Variants in KIF1C observed in about 807,000 individuals in gnomAD.
KIF1C encodes the protein kinesin-like protein KIF1C.
Under a neutral mutation model 126.5 loss-of-function variants are expected in KIF1C, and 61 were observed. That is an observed-to-expected ratio of 0.48 (90% CI 0.39 to 0.60). KIF1C has a LOEUF of 0.60. Among genes scored for constraint, KIF1C ranks in the 20% least tolerant of loss-of-function variants. KIF1C has a pLI of 0.00. For missense variants in KIF1C, 1,315 were observed against 1,489.2 expected (o/e 0.88, Z 1.93); for synonymous variants, 640 against 580.6 (o/e 1.10, Z -1.47).
In KIF1C at chr17:5,023,857, TGAG is replaced by T. The variant is rs1374969372; in HGVS notation, c.3023_3025del (p.Glu1008del). The T allele has an allele frequency of 2.0e-6, 3 of 1,526,598 alleles. No homozygotes were observed. The highest frequency in any genetic ancestry group is 2.6e-6 in the Non-Finnish European group (3 of 1,137,408). The allele number at this position is 1,526,598 out of a possible 1,614,324, so 94.6% of individuals were successfully genotyped here. A position where few individuals can be genotyped will look rare whatever the true frequency, so the allele number is the denominator to read the frequency against. ...AGGCTCCAACTCCGCTCCAACCCCC[TGAG>T]GAGGTCACTCCCCATCCAGCCACCC... On this transcript the variant is annotated inframe_deletion, in exon 23 of 23. Transcript: ENST00000320785. The surrounding 1 kb of genome is among the most constrained non-coding windows in gnomAD (Gnocchi z 4.2).
At chr17:5,018,746 A>G (rs903269616) in intron 18 of KIF1C, among the ~76,000 whole-genome samples, 1 of 152,082 alleles carries the variant, frequency 6.6e-6, no homozygotes, top group African/African-American at 2.4e-5. Context: ...TCACGATTAA[A>G]TGACTTTAGA....
rs774901685 is a variant in KIF1C at position 5,023,658 on chromosome 17, G to A, written c.2819G>A (p.Arg940His). The change falls in exon 23 of 23, where the codon CGC becomes CAC. Residue 940 changes from arginine to histidine, a missense_variant. Coordinates refer to ENST00000320785, the MANE Select transcript of KIF1C (RefSeq NM_006612.6). The surrounding 1 kb of genome is among the most constrained non-coding windows in gnomAD (Gnocchi z 4.2). The part of the protein sequence containing the change: ...EDPAFRRGRL[R>H]WLKQEQLRLQ... ...CCTGCCTTCCGTCGTGGTCGTCTTC[G>A]CTGGCTCAAGCAGGAGCAGCTACGG... The A allele has an allele frequency of 2.9e-5, 47 of 1,610,998 alleles. No homozygotes were observed. The highest frequency in any genetic ancestry group is 3.9e-5 in the Non-Finnish European group (46 of 1,178,462).
rs139120839 is a variant in KIF1C at position 5,023,928 on chromosome 17, G to T, written c.3089G>T (p.Arg1030Leu). Reference sequence around the variant, plus strand: ...AGTCCCCGAAGGTCCCACCATCCCCGCAGGAACTCCCTGGATGGAGGGGGC... The same window carrying T: ...AGTCCCCGAAGGTCCCACCATCCCCTCAGGAACTCCCTGGATGGAGGGGGC... Reference protein sequence around the residue: ...PPSPRRSHHPRRNSLDGGGRS... With the variant: ...PPSPRRSHHPLRNSLDGGGRS... Residue 1030 changes from arginine (R) to leucine (L), a missense_variant, in exon 23 of 23, where the codon CGC (arginine) becomes CTC (leucine). Transcript: ENST00000320785. The surrounding 1 kb of genome is among the most constrained non-coding windows in gnomAD (Gnocchi z 4.2). The T allele has an allele frequency of 6.4e-7, 1 of 1,569,860 alleles. No individual in the cohort carries two copies. Among genetic ancestry groups the T allele is most frequent in the South Asian group, 1.2e-5 (1 of 84,904 alleles).
Position 5,022,026 on chromosome 17 carries a change from T to G in KIF1C, c.2011-66T>G. 3 of 1,512,008 alleles carry G rather than the reference T, an allele frequency of 2.0e-6. No individual in the cohort carries two copies. Among genetic ancestry groups the G allele is most frequent in the Non-Finnish European group, 1.8e-6 (2 of 1,129,084 alleles). 93.7% of individuals were successfully genotyped at this position (1,512,008 alleles called of 1,614,324 possible). A position where few individuals can be genotyped will look rare whatever the true frequency, so the allele number is the denominator to read the frequency against. ...TGTTTCCAGTGTACTTAGGACACAC[T>G]GGGCCAAGACACATGGGCTCTGGAT... On this transcript the variant is annotated intron_variant, in intron 21 of 22. Transcript: ENST00000320785. The surrounding 1 kb of genome is among the most constrained non-coding windows in gnomAD (Gnocchi z 4.9).
At chr17:4,999,602 A>G (rs1974520608) in intron 1 of KIF1C, among the ~76,000 whole-genome samples, 1 of 151,740 alleles carries the variant, frequency 6.6e-6, no homozygotes, top group Non-Finnish European at 1.5e-5. Context: ...CTCTCTCTGA[A>G]TTGCCCTCTG....
At chr17:5,014,366 G>A (rs948599242) in intron 17 of KIF1C, 1 of 207,982 alleles carries the variant, frequency 4.8e-6, no homozygotes. Flanking sequence ...CTGCTTTTGG[G>A]GTATGGCTGC....
At chr17:5,005,853 A>C (rs1478695162) in intron 13 of KIF1C, among the ~76,000 whole-genome samples, 1 of 150,758 alleles carries the variant, frequency 6.6e-6, no homozygotes, top group Non-Finnish European at 1.5e-5. Flanking sequence ...CAGCCTCCCG[A>C]ATAACTGGGA....
At chr17:5,006,272 T>A (rs1459627593) in intron 13 of KIF1C, among the ~76,000 whole-genome samples, 1 of 151,804 alleles carries the variant, frequency 6.6e-6, no homozygotes, top group Non-Finnish European at 1.5e-5. Context: ...TGACCTAAGG[T>A]GATGCTCCCA....
intron 4 of KIF1C, 66 bp from the exon 5 acceptor site, chr17:5,001,156 A>G (rs1054600404): frequency 1.1e-5 from 16 of 1,511,730 alleles, no homozygotes; most frequent in African/African-American, 1.4e-5. Flanking sequence ...GACTCTTGGG[A>G]CAGAGACACA....
At chr17:4,999,298 C>T (rs1974502214) in intron 1 of KIF1C, among the ~76,000 whole-genome samples, 1 of 152,196 alleles carries the variant, frequency 6.6e-6, no homozygotes, top group Non-Finnish European at 1.5e-5. Context: ...ACTAGATTCT[C>T]CCTTGCCGAC....
chr17:5,014,877 A>G, intron 18 of KIF1C, 40 bp downstream of exon 18: 4 of 1,489,942 alleles, frequency 2.7e-6, no homozygotes, highest in Non-Finnish European at 3.7e-6. Context: ...ACAGGGAGAG[A>G]GGCCCCATGT....
rs370723136 is a variant in KIF1C at position 5,020,719 on chromosome 17, C to T, written c.1937+41C>T. 16 of 1,610,304 alleles carry T rather than the reference C, an allele frequency of 9.9e-6. No individual in the cohort carries two copies. The highest frequency in any genetic ancestry group is 5.0e-5 in the Admixed American group (3 of 59,506). On this transcript the variant is annotated intron_variant, in intron 20 of 22. Transcript: ENST00000320785. This position sits in a 1 kb window ranked among gnomAD's most constrained non-coding sequence, Gnocchi z 5.8. ...CCACGTGCCCCATGGCCGTCTAGGC[C>T]GTCCCTCCCGGGCCTCTGGGCCCGT...
rs1375896377 is a variant in KIF1C at position 5,023,160 on chromosome 17, G to A, written c.2629-308G>A. On this transcript the variant is annotated intron_variant, in intron 22 of 22. Coordinates refer to ENST00000320785, the MANE Select transcript of KIF1C (RefSeq NM_006612.6). The surrounding 1 kb of genome is among the most constrained non-coding windows in gnomAD (Gnocchi z 4.2). ...CTCCTGAGTAGCTGGGACTACAGGC[G>A]CGCACCACCACACCCGGCTAATTTT... 1.3e-5 allele frequency among the ~76,000 whole-genome samples: 2 copies of A among 151,886 alleles called. No homozygotes were observed. Among genetic ancestry groups the A allele is most frequent in the African/African-American group, 4.8e-5 (2 of 41,312 alleles).
In KIF1C at chr17:5,024,383, C is replaced by A. The variant is rs1282479500; in HGVS notation, c.*232C>A. 7.8e-6 allele frequency: 3 copies of A among 385,510 alleles called. No homozygotes were observed. Among genetic ancestry groups the A allele is most frequent in the Non-Finnish European group, 1.4e-5 (3 of 217,086 alleles). The allele number at this position is 385,510 out of a possible 1,614,324, so 23.9% of individuals were successfully genotyped here. A position where few individuals can be genotyped will look rare whatever the true frequency, so the allele number is the denominator to read the frequency against. ...TGAAGAGAGAGATAGGAAGCTGCCT[C>A]GGGGCCACCCCTTGCAAAGGGGGTG... On this transcript the variant is annotated 3_prime_UTR_variant, in exon 23 of 23. Transcript: ENST00000320785.
chr17:5,022,449 G>A lies in KIF1C; in HGVS notation c.2368G>A (p.Asp790Asn), dbSNP rs764241869. ...GCTGTGTCGCACCTATGGCAAGCCAGACGGCCCCGGAGACGCCTGGAGGGC... is the reference window on the plus strand; with the variant it reads ...GCTGTGTCGCACCTATGGCAAGCCAAACGGCCCCGGAGACGCCTGGAGGGC... ...RELCRTYGKP[D>N]GPGDAWRAVA... The change falls in exon 22 of 23, where the codon GAC becomes AAC. Residue 790 changes from aspartate to asparagine, a missense_variant. This residue lies in a region of KIF1C where 874 missense variants were observed against 1,053.2 expected (regional missense o/e 0.83). Coordinates refer to ENST00000320785, the MANE Select transcript of KIF1C (RefSeq NM_006612.6). This position sits in a 1 kb window ranked among gnomAD's most constrained non-coding sequence, Gnocchi z 4.9. 6 of 1,583,052 alleles carry A rather than the reference G, an allele frequency of 3.8e-6. No homozygotes were observed. The Admixed American group carries it at 7.2e-5, about 19-fold the overall frequency.
chr17:5,000,492 G>A (rs1974556741), intron 3 of KIF1C, 140 bp downstream of exon 3: 2 of 695,600 alleles, frequency 2.9e-6, no homozygotes, highest in Non-Finnish European at 4.9e-6. Context: ...GGGGGCTGGG[G>A]CAGGCTGGCC....
rs747550794 is a variant in KIF1C, at chr17:5,000,366, C to T, written c.106+14C>T. ...GCAACACCACCTGTGAGTGAGTCCCCGGGGCCTGGCTGGGCACAGGCAGGG... is the reference window on the plus strand; with the variant it reads ...GCAACACCACCTGTGAGTGAGTCCCTGGGGCCTGGCTGGGCACAGGCAGGG... On this transcript the variant is annotated intron_variant, in intron 3 of 22. Coordinates refer to ENST00000320785, the MANE Select transcript of KIF1C (RefSeq NM_006612.6). 156 of 1,534,220 alleles carry T rather than the reference C, an allele frequency of 1.0e-4. No individual in the cohort carries two copies. The highest frequency in any genetic ancestry group is 3.3e-4 in the African/African-American group (24 of 72,804).
Position 5,024,017 on chromosome 17 carries a change from T to C in KIF1C, c.3178T>C (p.Ser1060Pro), listed in dbSNP as rs753338117. The C allele has an allele frequency of 1.1e-5, 18 of 1,593,198 alleles. No homozygotes were observed. The highest frequency in any genetic ancestry group is 1.4e-5 in the African/African-American group (1 of 73,776). Residue 1060 changes from serine to proline, a missense_variant, in exon 23 of 23, where the codon TCT becomes CCT. Transcript: ENST00000320785. ...GCACTTCCAGCCCAAAAAGCACAAC[T>C]CTTATCCCCAGCCACCCCAACCCTA... ...PQHFQPKKHN[S>P]YPQPPQPYPA... is the part of the protein sequence containing the mutation.
Position 5,005,528 on chromosome 17 carries a change from G to C in KIF1C, c.1165+528G>C, listed in dbSNP as rs552850183. 2.0e-5 allele frequency among the ~76,000 whole-genome samples: 3 copies of C among 152,294 alleles called. No homozygotes were observed. The East Asian group carries it at 5.8e-4, about 29-fold the overall frequency. ...GAGATCATCCCATTGAGGATAGTTA[G>C]GGTGCTGAAGGGCACAGTGTGGGGA... On this transcript the variant is annotated intron_variant, in intron 13 of 22. Transcript: ENST00000320785.
Sources: gnomAD v4.1 joint callset for allele counts (sites outside exome capture counted in the v4.1 genomes callset) on GRCh38, gnomAD v4.1.1 for gene constraint, gnomAD v4.1.1 regional missense constraint, Gnocchi (gnomAD v3.1) non-coding constraint, MANE v1.5 for transcripts, NCBI Gene and HGNC (gene_info 2026-07-23, HGNC 2026-07-21) for gene names.